ADAMTS17: variants seen among roughly 807,000 people sequenced by gnomAD.
The protein encoded by ADAMTS17 is ADAM metallopeptidase with thrombospondin type 1 motif 17.
A neutral mutation model predicts 141.5 loss-of-function variants in ADAMTS17; 113 were observed. The observed-to-expected ratio is 0.80, with a 90% CI of 0.69 to 0.93. The LOEUF (loss-of-function observed/expected upper bound fraction) is 0.93. Among genes scored for constraint, ADAMTS17 ranks in the 40% least tolerant of loss-of-function variants. The pLI, the probability that ADAMTS17 is intolerant of heterozygous loss-of-function variation, is 0.00. For synonymous variants in ADAMTS17, 768 were observed against 630.6 expected, an observed-to-expected ratio of 1.22 and a Z score of -3.27; for missense variants, 1,659 against 1,517.9, an observed-to-expected ratio of 1.09 and a Z score of -1.54.
At chr15:100,203,654 G>A (rs1010168277) in intron 7 of ADAMTS17, among the ~76,000 whole-genome samples, 3 of 152,148 alleles carry the variant, frequency 2.0e-5, no homozygotes, top group Non-Finnish European at 2.9e-5. Flanking sequence ...GCAGTGAGCC[G>A]AGATCGCGCC....
intron 15 of ADAMTS17, among the ~76,000 whole-genome samples, chr15:100,067,577 A>G (rs1373006625): frequency 6.7e-6 from 1 of 150,042 alleles, no homozygotes; most frequent in Non-Finnish European, 1.5e-5. Context: ...TTTTTTTCTG[A>G]TCTATTTGGT....
intron 7 of ADAMTS17, among the ~76,000 whole-genome samples, chr15:100,243,730 T>C (rs149359155): frequency 0.047 from 6,994 of 147,834 alleles, 580 homozygotes; most frequent in African/African-American, 0.17. Context: ...GCAGAGGTTG[T>C]AGTGAGCGGA....
chr15:100,069,181 G>T (rs933436043), intron 15 of ADAMTS17, among the ~76,000 whole-genome samples: 3 of 152,150 alleles, frequency 2.0e-5, no homozygotes, highest in Non-Finnish European at 2.9e-5. Flanking sequence ...AGCGAGAAGA[G>T]AAGTTTAGAG....
chr15:100,314,688 G>GA lies in ADAMTS17; in HGVS notation c.616+16200dup, dbSNP rs944643245. 7.9e-5 allele frequency among the ~76,000 whole-genome samples: 12 copies of GA among 152,104 alleles called. No homozygotes were observed. The South Asian group carries it at 2.1e-3, about 26-fold the overall frequency. On this transcript the variant is annotated intron_variant, in intron 3 of 21. Transcript: ENST00000268070. ...AGTTATTTTTGAGTCTGGGTGACTG[G>GA]AAAAAAAACTGGTGAGAACATGGAC...
At chr15:100,294,654 C>T (rs927701681) in intron 3 of ADAMTS17, among the ~76,000 whole-genome samples, 4 of 152,074 alleles carry the variant, frequency 2.6e-5, no homozygotes, top group African/African-American at 9.7e-5. Flanking sequence ...ATGCATTGAG[C>T]CATGACCGTG....
Position 100,123,825 on chromosome 15 carries a change from CCTGCCT to C in ADAMTS17, c.1722-6818_1722-6813del, listed in dbSNP as rs565669608. 1.5e-3 allele frequency among the ~76,000 whole-genome samples: 224 copies of C among 152,310 alleles called. 1 individual carries two copies. Among genetic ancestry groups the C allele is most frequent in the Non-Finnish European group, 2.7e-3 (181 of 68,024 alleles). ...ACCCAGCAGGAACAGGCGCCCTGCCCCTGCCTCTGCCTCTGGGAGGGGCTGCCCATC... is the reference window on the plus strand; with the variant it reads ...ACCCAGCAGGAACAGGCGCCCTGCCCCTGCCTCTGGGAGGGGCTGCCCATC... On this transcript the variant is annotated intron_variant, in intron 12 of 21. Coordinates refer to ENST00000268070, the MANE Select transcript of ADAMTS17 (RefSeq NM_139057.4).
At chr15:99,981,281 T>C (rs532163646) in intron 20 of ADAMTS17, among the ~76,000 whole-genome samples, 6 of 152,340 alleles carry the variant, frequency 3.9e-5, no homozygotes, top group African/African-American at 1.2e-4. Flanking sequence ...CATGAGATCA[T>C]GGAAGGGTGT....
chr15:100,057,036 G>A (rs1001152805), intron 15 of ADAMTS17, among the ~76,000 whole-genome samples: 1 of 152,098 alleles, frequency 6.6e-6, no homozygotes, highest in African/African-American at 2.4e-5. Context: ...GCAGTGTGTG[G>A]CTCAGTGGTG....
chr15:100,056,764 A>G (rs1229420084), intron 15 of ADAMTS17, among the ~76,000 whole-genome samples: 1 of 152,112 alleles, frequency 6.6e-6, no homozygotes, highest in African/African-American at 2.4e-5. Flanking sequence ...GGGGAACAGC[A>G]GATGTACCCT....
At chr15:100,112,693 G>C (rs189940191) in intron 13 of ADAMTS17, among the ~76,000 whole-genome samples, 27 of 152,222 alleles carry the variant, frequency 1.8e-4, no homozygotes, top group African/African-American at 6.5e-4. Flanking sequence ...AGGAAGCTTG[G>C]AACGTGCCAC....
At chr15:100,295,839 T>C (rs149924679) in intron 3 of ADAMTS17, among the ~76,000 whole-genome samples, 160 of 152,282 alleles carry the variant, frequency 1.1e-3, no homozygotes, top group Admixed American at 1.6e-3. Flanking sequence ...CTATATGTCA[T>C]TGAAGCTTCA....
Position 100,239,599 on chromosome 15 carries a change from G to A in ADAMTS17, c.1075+14537C>T, listed in dbSNP as rs565812531. Among the ~76,000 whole-genome samples the A allele has an allele frequency of 3.8e-4, 58 of 152,312 alleles. 1 individual carries two copies. The East Asian group carries it at 6.2e-3, about 16-fold the overall frequency. On this transcript the variant is annotated intron_variant, in intron 7 of 21. Transcript: ENST00000268070. ...AAGGGGGTCTCTCTCCAGCGTTGCA[G>A]GAGGAAGTGTTGGAGACGGGCTCTG...
chr15:100,149,888 C>G (rs1299863188), intron 10 of ADAMTS17, among the ~76,000 whole-genome samples: 1 of 152,228 alleles, frequency 6.6e-6, no homozygotes, highest in African/African-American at 2.4e-5. Flanking sequence ...TGTGCACAGT[C>G]ACTGCTACCC....
intron 13 of ADAMTS17, among the ~76,000 whole-genome samples, chr15:100,115,048 C>T (rs1035111328): frequency 2.0e-5 from 3 of 152,174 alleles, no homozygotes; most frequent in African/African-American, 7.2e-5. Context: ...TGTCCCAGAC[C>T]TGACCTCTTC....
chr15:100,034,387 G>A (rs547321269), intron 18 of ADAMTS17, among the ~76,000 whole-genome samples: 29 of 152,330 alleles, frequency 1.9e-4, no homozygotes, highest in African/African-American at 6.5e-4. Context: ...AGGCAGTGCT[G>A]TGACCGTGGT....
chr15:100,022,730 G>C (rs112265949), intron 18 of ADAMTS17, among the ~76,000 whole-genome samples: 2 of 152,280 alleles, frequency 1.3e-5, no homozygotes, highest in African/African-American at 4.8e-5. Context: ...GTAAATTACA[G>C]AGAGTCTTGG....
chr15:100,021,882 C>A (rs150663601), intron 18 of ADAMTS17, among the ~76,000 whole-genome samples: 10 of 152,056 alleles, frequency 6.6e-5, no homozygotes, highest in Non-Finnish European at 1.3e-4. Flanking sequence ...CCTCATTTCT[C>A]GGTTGGCCAA....
At position 99,997,086 on chromosome 15, in the gene ADAMTS17, A is replaced by G. The variant is rs1276259795; in HGVS notation, c.2796+299T>C. Among the ~76,000 whole-genome samples the G allele has an allele frequency of 1.3e-5, 2 of 152,234 alleles. No individual in the cohort carries two copies. The highest frequency in any genetic ancestry group is 2.9e-5 in the Non-Finnish European group (2 of 68,042). ...CACCACAGTTAAATACACCCAAAGG[A>G]GAATTAAAAAGTCGGTCAGTATCTG... On this transcript the variant is annotated intron_variant, in intron 19 of 21. Coordinates refer to ENST00000268070, the MANE Select transcript of ADAMTS17 (RefSeq NM_139057.4). The surrounding 1 kb of genome is among the most constrained non-coding windows in gnomAD (Gnocchi z 4.7).
chr15:100,193,913 T>TGA (rs1384854848), intron 8 of ADAMTS17, among the ~76,000 whole-genome samples: 1 of 152,150 alleles, frequency 6.6e-6, no homozygotes, highest in Non-Finnish European at 1.5e-5. Flanking sequence ...GCTGAGCACG[T>TGA]GCGTGGCGCT....
Sources: allele counts gnomAD v4.1 joint callset (sites outside exome capture counted in the v4.1 genomes callset), GRCh38; gene constraint gnomAD v4.1.1; non-coding constraint Gnocchi (gnomAD v3.1); transcripts MANE v1.5; gene names NCBI Gene and HGNC (gene_info 2026-07-23, HGNC 2026-07-21).